Variants in RBFOX1 observed in about 807,000 individuals in gnomAD.
The protein encoded by RBFOX1 is RNA binding protein fox-1 homolog 1.
A neutral mutation model predicts 57.7 loss-of-function variants in RBFOX1; 8 were observed. The ratio of observed to expected loss-of-function variants is 0.14; its 90% CI spans 0.08 to 0.25. The LOEUF (loss-of-function observed/expected upper bound fraction) is 0.25, where lower values mean the gene tolerates loss of function less well. RBFOX1 is among the 10% of genes least tolerant of loss of function. The pLI, the probability that RBFOX1 is intolerant of heterozygous loss-of-function variation, is 1.00. For synonymous variants in RBFOX1, 326 were observed against 222.4 expected (o/e 1.47, Z -4.15); for missense variants, 611 against 548.5 (o/e 1.11, Z -1.14).
chr16:6,828,612 T>C (rs2092427687), intron 3 of RBFOX1, among the ~76,000 whole-genome samples: 1 of 151,946 alleles, frequency 6.6e-6, no homozygotes, highest in Non-Finnish European at 1.5e-5. Flanking sequence ...CCAAGCTGGC[T>C]AAGACCAAGT....
At position 5,401,859 on chromosome 16, in the gene RBFOX1, C is replaced by T. The variant is rs923190022; in HGVS notation, c.220-65357C>T. Among the ~76,000 whole-genome samples the T allele has an allele frequency of 2.7e-4, 41 of 151,846 alleles. 1 individual carries two copies. The highest frequency in any genetic ancestry group is 9.7e-4 in the African/African-American group (40 of 41,326). On this transcript the variant is annotated intron_variant, in intron 1 of 2. Transcript: ENST00000585867. ...CATCATCATTTCTGTCTCTGTCTCT[C>T]GTCATCGTCGTCGTCATTTCTGTCT...
intron 1 of RBFOX1, among the ~76,000 whole-genome samples, chr16:6,235,043 T>C (rs888638445): frequency 1.9e-4 from 29 of 152,168 alleles, no homozygotes; most frequent in African/African-American, 6.3e-4. Context: ...GATCTAAAGA[T>C]TGGCAGGGAC....
chr16:7,097,857 G>GA, intron 4 of RBFOX1, among the ~76,000 whole-genome samples: 1 of 152,230 alleles, frequency 6.6e-6, no homozygotes, highest in East Asian at 1.9e-4. Flanking sequence ...GAGTTAGGGA[G>GA]AAGGGGTTGG....
intron 2 of RBFOX1, among the ~76,000 whole-genome samples, chr16:6,382,230 A>G (rs1269119313): frequency 6.6e-6 from 1 of 152,216 alleles, no homozygotes; most frequent in East Asian, 1.9e-4. Context: ...CCTGTGAGCC[A>G]TACAAAGACA....
chr16:5,509,904 G>C (rs1015526038), intron 2 of RBFOX1, among the ~76,000 whole-genome samples: 1 of 152,166 alleles, frequency 6.6e-6, no homozygotes, highest in African/African-American at 2.4e-5. Context: ...AGGATCCCTT[G>C]AAGAGAGTTT....
chr16:6,813,614 A>G (rs528934354), intron 3 of RBFOX1, among the ~76,000 whole-genome samples: 2 of 152,180 alleles, frequency 1.3e-5, no homozygotes, highest in African/African-American at 4.8e-5. Context: ...AGGTGGCTCA[A>G]AATCAATCTG....
intron 2 of RBFOX1, among the ~76,000 whole-genome samples, chr16:6,459,426 A>T (rs2153060552): frequency 6.6e-6 from 1 of 152,342 alleles, no homozygotes; most frequent in South Asian, 2.1e-4. Context: ...TCCCCTCAGT[A>T]TGAATTTAGG....
intron 2 of RBFOX1, among the ~76,000 whole-genome samples, chr16:5,468,183 T>C (rs1413649485): frequency 6.6e-6 from 1 of 152,188 alleles, no homozygotes; most frequent in Non-Finnish European, 1.5e-5. Flanking sequence ...AAACAAATTG[T>C]GTTGAGGTGA....
intron 11 of RBFOX1, among the ~76,000 whole-genome samples, chr16:7,647,077 C>T (rs980491270): frequency 6.6e-6 from 1 of 152,190 alleles, no homozygotes; most frequent in African/African-American, 2.4e-5. Context: ...AGCACCACCA[C>T]AGCGTGCCTC....
chr16:6,011,151 A>T (rs1162455915), intron 4 of RBFOX1, among the ~76,000 whole-genome samples: 1 of 152,216 alleles, frequency 6.6e-6, no homozygotes, highest in Non-Finnish European at 1.5e-5. Context: ...CTGCTAATAG[A>T]GGGAACATTT....
At chr16:7,670,363 A>G (rs2070993351) in intron 13 of RBFOX1, among the ~76,000 whole-genome samples, 1 of 152,196 alleles carries the variant, frequency 6.6e-6, no homozygotes, top group South Asian at 2.1e-4. Flanking sequence ...GAAAAAAAGA[A>G]AATAATTTGT....
chr16:7,635,891 A>G (rs568769652), intron 11 of RBFOX1, among the ~76,000 whole-genome samples: 169 of 152,104 alleles, frequency 1.1e-3, no homozygotes, highest in African/African-American at 3.8e-3. Flanking sequence ...GCTCACTGCA[A>G]ACTCCACCTC....
chr16:5,657,663 TTTC>T (rs374179305), intron 3 of RBFOX1, among the ~76,000 whole-genome samples: 21,696 of 90,814 alleles, frequency 0.24, 2,012 homozygotes, highest in Non-Finnish European at 0.27. Context: ...TTTTCTTTTC[TTTC>T]TTTCTTTTCT....
At position 6,834,503 on chromosome 16, in the gene RBFOX1, G is replaced by GTTGAATGA; in HGVS notation, c.-16+179853_-16+179854insTTGAATGA. On this transcript the variant is annotated intron_variant, in intron 3 of 15. Coordinates refer to ENST00000550418, the MANE Select transcript of RBFOX1 (RefSeq NM_018723.4). The stretch of plus-strand genomic sequence containing the variant: ...AGAAAGTACTCAGTAACTGTTTATT[G>GTTGAATGA]ATGAATGAATGAATGAATGAATGAA... Among the ~76,000 whole-genome samples, 4 of 150,476 alleles carry GTTGAATGA rather than the reference G, an allele frequency of 2.7e-5. No individual in the cohort carries two copies. The South Asian group carries it at 8.4e-4, about 32-fold the overall frequency.
chr16:5,760,184 G>C (rs1478184105), intron 3 of RBFOX1, among the ~76,000 whole-genome samples: 1 of 152,070 alleles, frequency 6.6e-6, no homozygotes, highest in African/African-American at 2.4e-5. Flanking sequence ...AATGTTCCCA[G>C]TTTTATCATT....
At chr16:6,824,589 G>C (rs987622475) in intron 3 of RBFOX1, among the ~76,000 whole-genome samples, 1 of 152,138 alleles carries the variant, frequency 6.6e-6, no homozygotes, top group Non-Finnish European at 1.5e-5. Flanking sequence ...AAGTCTGTAA[G>C]TTAAAGGTGT....
At chr16:7,591,124 C>T (rs1437396304) in intron 7 of RBFOX1, among the ~76,000 whole-genome samples, 1 of 151,990 alleles carries the variant, frequency 6.6e-6, no homozygotes, top group Non-Finnish European at 1.5e-5. Context: ...AAAGAAGGAA[C>T]ATTTAAGCTG....
intron 4 of RBFOX1, among the ~76,000 whole-genome samples, chr16:7,386,088 C>A (rs1171527863): frequency 6.6e-6 from 1 of 151,950 alleles, no homozygotes; most frequent in Admixed American, 6.6e-5. Context: ...CATGCCCAGC[C>A]AGCTTTTAAG....
intron 3 of RBFOX1, among the ~76,000 whole-genome samples, chr16:5,790,213 A>G (rs1336307272): frequency 1.3e-5 from 2 of 152,240 alleles, no homozygotes; most frequent in South Asian, 4.1e-4. Flanking sequence ...CGCCCACATC[A>G]TCCACCAAAG....
Sources: gnomAD v4.1 joint callset for allele counts (sites outside exome capture counted in the v4.1 genomes callset) on GRCh38, gnomAD v4.1.1 for gene constraint, MANE v1.5 for transcripts, NCBI Gene and HGNC (gene_info 2026-07-23, HGNC 2026-07-21) for gene names.